Variants in GRIK2 observed in about 807,000 individuals in gnomAD.
The protein encoded by GRIK2 is glutamate receptor ionotropic, kainate 2.
GRIK2 carries 32 observed loss-of-function variants against 100.3 expected under a neutral mutation model. The ratio of observed to expected loss-of-function variants is 0.32; its 90% CI spans 0.24 to 0.43. The LOEUF (loss-of-function observed/expected upper bound fraction) is 0.43, where lower values mean the gene tolerates loss of function less well. GRIK2 is among the 20% of genes least tolerant of loss of function. The pLI is 1.00. For missense variants in GRIK2, 843 were observed against 1,114.9 expected (o/e 0.76, Z 3.47); for synonymous variants, 417 against 389.4 (o/e 1.07, Z -0.83).
intron 14 of GRIK2, among the ~76,000 whole-genome samples, chr6:101,991,669 GA>G (rs1462187056): frequency 1.3e-5 from 2 of 151,068 alleles, no homozygotes; most frequent in Non-Finnish European, 3.0e-5. Flanking sequence ...CTGTGAAATA[GA>G]AAAAACAAAA....
At chr6:102,048,453 C>T (rs1028209380) in intron 15 of GRIK2, among the ~76,000 whole-genome samples, 9 of 151,904 alleles carry the variant, frequency 5.9e-5, no homozygotes, top group African/African-American at 1.9e-4. Context: ...ATTTGCAAGC[C>T]ACACACTCAA....
intron 2 of GRIK2, among the ~76,000 whole-genome samples, chr6:101,520,556 G>A (rs1774831823): frequency 6.6e-6 from 1 of 151,962 alleles, no homozygotes; most frequent in African/African-American, 2.4e-5. Context: ...AACATTGGTT[G>A]TTTTATGTTT....
At position 101,393,787 on chromosome 6, in the gene GRIK2, T is replaced by G. The variant is rs1774893530; in HGVS notation, c.-344T>G. 6.6e-6 allele frequency among the ~76,000 whole-genome samples: 1 copy of G among 151,826 alleles called. No homozygotes were observed. The highest frequency in any genetic ancestry group is 1.5e-5 in the Non-Finnish European group (1 of 67,960). On this transcript the variant is annotated 5_prime_UTR_variant, in exon 1 of 17. Transcript: ENST00000369134. ...CCGCCCGACCTCCTCCGGCTGCTCC[T>G]CCCCGAGGACCACCCCACCCCCTCC...
intron 14 of GRIK2, among the ~76,000 whole-genome samples, chr6:102,002,296 G>A (rs1045603456): frequency 2.0e-5 from 3 of 148,444 alleles, no homozygotes; most frequent in African/African-American, 7.4e-5. Flanking sequence ...ATATATGTGT[G>A]TGTGTGTGTA....
At chr6:101,640,849 T>A (rs924503179) in intron 4 of GRIK2, among the ~76,000 whole-genome samples, 2 of 152,136 alleles carry the variant, frequency 1.3e-5, no homozygotes, top group African/African-American at 4.8e-5. Context: ...AATTTTCATA[T>A]TTTGAAACAA....
chr6:101,653,640 CT>C (rs1336626023), intron 4 of GRIK2, among the ~76,000 whole-genome samples: 11 of 149,416 alleles, frequency 7.4e-5, no homozygotes, highest in East Asian at 3.9e-4. Context: ...TTCTTTCTTT[CT>C]TTTTTTTTTC....
intron 2 of GRIK2, among the ~76,000 whole-genome samples, chr6:101,578,364 T>C (rs1451422710): frequency 6.6e-6 from 1 of 152,124 alleles, no homozygotes; most frequent in Non-Finnish European, 1.5e-5. Context: ...TGTTGAAAAT[T>C]GGAAGAACAA....
chr6:101,627,117 CTGTGTGTGTG>C (rs111285339), intron 4 of GRIK2, among the ~76,000 whole-genome samples: 44 of 145,030 alleles, frequency 3.0e-4, no homozygotes, highest in Middle Eastern at 7.2e-3. Context: ...GTGTGTGTCT[CTGTGTGTGTG>C]TGTGTGTGTG....
intron 11 of GRIK2, among the ~76,000 whole-genome samples, chr6:101,874,338 A>G (rs1176132780): frequency 6.6e-6 from 1 of 151,846 alleles, no homozygotes; most frequent in Admixed American, 6.6e-5. Context: ...TCCCAGCACC[A>G]TTTATTAAAT....
chr6:101,653,430 A>G (rs1781908532), intron 4 of GRIK2, among the ~76,000 whole-genome samples: 1 of 151,580 alleles, frequency 6.6e-6, no homozygotes, highest in African/African-American at 2.4e-5. Context: ...ATCTCTCACT[A>G]CCATGTTTCC....
intron 4 of GRIK2, among the ~76,000 whole-genome samples, chr6:101,646,077 C>G (rs1355784477): frequency 6.6e-6 from 1 of 151,386 alleles, no homozygotes; most frequent in Non-Finnish European, 1.5e-5. Flanking sequence ...ACTTTTCTCT[C>G]CCCAGTAAGC....
At chr6:102,030,441 ACCAGTTTACTTTC>A (rs1449335273) in intron 14 of GRIK2, among the ~76,000 whole-genome samples, 9 of 150,812 alleles carry the variant, frequency 6.0e-5, no homozygotes, top group Non-Finnish European at 1.5e-5. Flanking sequence ...ACTTACTGCT[ACCAGTTTACTTTC>A]CTCAAATCCT....
intron 7 of GRIK2, chr6:101,744,548 A>ACACACATATATATATATATACGTG: frequency 9.3e-6 from 1 of 107,750 alleles, no homozygotes; most frequent in African/African-American, 3.6e-5. Context: ...ATATATATAT[A>ACACACATATATATATATATACGTG]TATATATATA....
rs181861253 is a variant in GRIK2 at position 101,812,443 on chromosome 6, A to G, written c.1204-5927A>G. ...ATATAATTTGGATTCAAAGCAATAC[A>G]TAAGTGGCATTTCTGAGATGAGGAA... On this transcript the variant is annotated intron_variant, in intron 9 of 16. Transcript: ENST00000369134. 1.2e-3 allele frequency among the ~76,000 whole-genome samples: 176 copies of G among 152,102 alleles called. 3 individuals carry two copies. The highest frequency in any genetic ancestry group is 3.4e-3 in the Middle Eastern group (1 of 294).
chr6:101,740,250 A>AG (rs1470893505), intron 7 of GRIK2, among the ~76,000 whole-genome samples: 1 of 152,154 alleles, frequency 6.6e-6, no homozygotes, highest in East Asian at 1.9e-4. Flanking sequence ...TATCCTTCCC[A>AG]AATACTCCAT....
intron 4 of GRIK2, among the ~76,000 whole-genome samples, chr6:101,670,817 G>A (rs927582496): frequency 1.3e-5 from 2 of 152,078 alleles, no homozygotes; most frequent in Non-Finnish European, 2.9e-5. Flanking sequence ...GCCATTTACT[G>A]AGAGTCTAAT....
At chr6:101,715,296 A>G (rs534846753) in intron 7 of GRIK2, among the ~76,000 whole-genome samples, 1 of 151,912 alleles carries the variant, frequency 6.6e-6, no homozygotes, top group South Asian at 2.1e-4. Context: ...AATGTCATTC[A>G]GGATGCTAAG....
At chr6:101,587,596 A>G (rs900657286) in intron 2 of GRIK2, among the ~76,000 whole-genome samples, 2 of 152,172 alleles carry the variant, frequency 1.3e-5, no homozygotes, top group Non-Finnish European at 2.9e-5. Context: ...ACCACAGTTA[A>G]TTCTGAGCAG....
At chr6:101,690,509 A>C (rs1022117975) in intron 7 of GRIK2, among the ~76,000 whole-genome samples, 2 of 152,110 alleles carry the variant, frequency 1.3e-5, no homozygotes, top group African/African-American at 2.4e-5. Context: ...GGCTTTCCTA[A>C]TAATCCCCTC....
Sources: gnomAD v4.1 joint callset for allele counts (sites outside exome capture counted in the v4.1 genomes callset) on GRCh38, gnomAD v4.1.1 for gene constraint, MANE v1.5 for transcripts, NCBI Gene and HGNC (gene_info 2026-07-23, HGNC 2026-07-21) for gene names.